Variants in STARD9 observed in about 807,000 individuals in gnomAD.
The protein encoded by STARD9 is StAR related lipid transfer domain containing 9, also known as stAR-related lipid transfer protein 9.
In STARD9, 346 loss-of-function variants were observed where a neutral mutation model predicts 399.8. The ratio of observed to expected loss-of-function variants is 0.87; its 90% confidence interval spans 0.79 to 0.95. STARD9 has a LOEUF of 0.95. Ranked by LOEUF, STARD9 falls within the 40% of genes least tolerant of loss-of-function variation. The pLI is 0.00. For missense variants in STARD9, 5,832 were observed against 5,667.5 expected (o/e 1.03, Z -0.93); for synonymous variants, 2,203 against 2,143.5 (o/e 1.03, Z -0.77).
intron 9 of STARD9, among the ~76,000 whole-genome samples, chr15:42,657,130 A>G (rs1029860460): frequency 1.1e-4 from 16 of 152,030 alleles, no homozygotes; most frequent in Non-Finnish European, 1.5e-4. Context: ...GCCGAGGTGG[A>G]TGGATCGCCT....
chr15:42,699,664 A>G (rs2060923955), intron 26 of STARD9, among the ~76,000 whole-genome samples: 1 of 151,320 alleles, frequency 6.6e-6, no homozygotes, highest in African/African-American at 2.4e-5. Context: ...AAATGCTGGG[A>G]TTACAGACGT....
At chr15:42,715,178 G>A (rs1188589824) in intron 26 of STARD9, among the ~76,000 whole-genome samples, 3 of 152,132 alleles carry the variant, frequency 2.0e-5, no homozygotes, top group African/African-American at 7.2e-5. Flanking sequence ...CTTGCTGAGA[G>A]ACTCAGGAAA....
chr15:42,670,252 T>G (rs1235829576), intron 16 of STARD9: 1 of 152,042 alleles, frequency 6.6e-6, no homozygotes, highest in Non-Finnish European at 1.5e-5. Context: ...AAAGGAAGCT[T>G]AAAACATAGG....
rs945296620 is a variant in STARD9, at chr15:42,662,778, A to G, written c.771-16A>G. ...TTATTTGCTTTTGTTTTTGTTTTTC[A>G]TTGACTGTGTTTTAGCGAAAGAGCA... On this transcript the variant is annotated splice_polypyrimidine_tract_variant and intron_variant, in intron 10 of 32. Transcript: ENST00000290607. 1 of 1,527,068 alleles carries G rather than the reference A, an allele frequency of 6.5e-7. No homozygotes were observed. The highest frequency in any genetic ancestry group is 8.8e-7 in the Non-Finnish European group (1 of 1,137,982). 94.6% of individuals were successfully genotyped at this position (1,527,068 alleles called of 1,614,324 possible).
chr15:42,701,213 G>A (rs1393448269), intron 26 of STARD9, among the ~76,000 whole-genome samples: 1 of 152,132 alleles, frequency 6.6e-6, no homozygotes, highest in Non-Finnish European at 1.5e-5. Context: ...GTTTTGCTCA[G>A]AATTTCTTTG....
At position 42,692,992 on chromosome 15, in the gene STARD9, C is replaced by G. The variant is rs1021645046; in HGVS notation, c.11414C>G (p.Thr3805Ser). The change falls in exon 23 of 33, where the codon ACT (threonine) becomes AGT (serine). Residue 3805 changes from threonine to serine, a missense_variant. Physicochemically the swap from Thr to Ser is moderately conservative, Grantham distance 58 (BLOSUM62 1). Coordinates refer to ENST00000290607, the MANE Select transcript of STARD9 (RefSeq NM_020759.3). ...CTCCTCTATCTTCAGGAAGAAAGCACTCCCTACAAGCCCCAGAGCCCTTCA... is the reference window on the plus strand; with the variant it reads ...CTCCTCTATCTTCAGGAAGAAAGCAGTCCCTACAAGCCCCAGAGCCCTTCA... The part of the protein sequence containing the change: ...AQLLYLQEES[T>S]PYKPQSPSIP... 6.5e-7 allele frequency: 1 copy of G among 1,537,094 alleles called. No homozygotes were observed. Among genetic ancestry groups the G allele is most frequent in the Admixed American group, 2.0e-5 (1 of 50,972 alleles).
At chr15:42,710,951 G>A (rs982686657) in intron 26 of STARD9, among the ~76,000 whole-genome samples, 3 of 149,740 alleles carry the variant, frequency 2.0e-5, no homozygotes, top group African/African-American at 2.5e-5. Context: ...GTTTGTCCCC[G>A]TGTTTTCACA....
rs961434037 is a variant in STARD9, at chr15:42,596,340, T to C, written c.234+10703T>C. Among the ~76,000 whole-genome samples, 3 of 152,228 alleles carry C rather than the reference T, an allele frequency of 2.0e-5. No individual in the cohort carries two copies. In the South Asian group the frequency reaches 6.2e-4, roughly 31 times the overall value. Reference sequence around the variant, plus strand: ...CTGAAAATTCCTTATACTCACCCTTTGCACCTTAAACTTGGGTTTGTCCTG... The same window carrying C: ...CTGAAAATTCCTTATACTCACCCTTCGCACCTTAAACTTGGGTTTGTCCTG... On this transcript the variant is annotated intron_variant, in intron 3 of 32. Transcript: ENST00000290607.
At chr15:42,607,619 G>A (rs151012902) in intron 3 of STARD9, among the ~76,000 whole-genome samples, 1,964 of 149,444 alleles carry the variant, frequency 0.013, 29 homozygotes, top group Non-Finnish European at 0.02. Context: ...GAATCTAGGA[G>A]AATCTTAATA....
At chr15:42,626,852 G>T (rs2059236858) in intron 3 of STARD9, among the ~76,000 whole-genome samples, 1 of 145,300 alleles carries the variant, frequency 6.9e-6, no homozygotes, top group Non-Finnish European at 1.5e-5. Flanking sequence ...TTTGATATCA[G>T]TTTTTTTTTT....
At chr15:42,630,772 T>G (rs1385135331) in intron 3 of STARD9, among the ~76,000 whole-genome samples, 1 of 152,140 alleles carries the variant, frequency 6.6e-6, no homozygotes, top group African/African-American at 2.4e-5. Context: ...GTTGTAATGC[T>G]TCCTTTTTCA....
chr15:42,669,017 C>T, intron 15 of STARD9, 141 bp from the exon 16 acceptor site: 1 of 617,054 alleles, frequency 1.6e-6, no homozygotes, highest in Non-Finnish European at 2.5e-6. Context: ...GGTACAAGGG[C>T]TTCTGTGGGG....
rs139256151 is a variant in STARD9 at position 42,659,778 on chromosome 15, C to A, written c.703-1380C>A. On this transcript the variant is annotated intron_variant, in intron 9 of 32. Transcript: ENST00000290607. ...TGACCTCATGATCCACCTGCCTCCA[C>A]CTCCCAAAGTGCTGGGATTACAGGG... 3.3e-4 allele frequency among the ~76,000 whole-genome samples: 50 copies of A among 152,312 alleles called. No homozygotes were observed. In the East Asian group the frequency reaches 9.1e-3, roughly 28 times the overall value.
intron 3 of STARD9, among the ~76,000 whole-genome samples, chr15:42,594,326 C>G (rs568749503): frequency 6.6e-6 from 1 of 152,108 alleles, no homozygotes; most frequent in Admixed American, 6.5e-5. Context: ...GTTGATCCTG[C>G]GATGGGAAGG....
Position 42,688,491 on chromosome 15 carries a change from G to A in STARD9, c.6913G>A (p.Asp2305Asn), listed in dbSNP as rs973779459. The A allele has an allele frequency of 5.0e-5, 77 of 1,537,734 alleles. No homozygotes were observed. Among genetic ancestry groups the A allele is most frequent in the Non-Finnish European group, 6.5e-5 (74 of 1,147,060 alleles). Residue 2305 changes from aspartate (D) to asparagine (N), a missense_variant, in exon 23 of 33, where the codon GAC (aspartate) becomes AAC (asparagine). By Grantham distance (23) the Asp-to-Asn change is conservative. Around this residue, in one of 2 missense-constraint regions of STARD9, gnomAD observed 5,828 missense variants for 5,651.1 expected, o/e 1.03. Transcript: ENST00000290607. ...TCCTAGTCTCAGCCAGCTTTGTAGG[G>A]ACACGTTTTTCAGGCAGGAAACTGT... is the stretch of plus-strand genomic sequence containing the variant. ...KFPSLSQLCR[D>N]TFFRQETVSP... is the part of the protein sequence containing the mutation.
At chr15:42,605,592 T>C (rs1476567922) in intron 3 of STARD9, among the ~76,000 whole-genome samples, 1 of 152,226 alleles carries the variant, frequency 6.6e-6, no homozygotes, top group African/African-American at 2.4e-5. Context: ...CTCACTTTTC[T>C]TGCTTCTCTT....
intron 4 of STARD9, among the ~76,000 whole-genome samples, chr15:42,637,544 C>G (rs1595684142): frequency 1.3e-5 from 2 of 152,242 alleles, no homozygotes; most frequent in East Asian, 3.9e-4. Flanking sequence ...CTCATATACT[C>G]TTGTCCGCCT....
Position 42,690,581 on chromosome 15 carries a change from T to A in STARD9, c.9003T>A (p.Pro3001=), listed in dbSNP as rs1184258698. Residue 3001 remains proline, a synonymous_variant, in exon 23 of 33, where the codon CCT becomes CCA. Transcript: ENST00000290607. ...CTATCCACCCACCCTGTGTAGTACC[T>A]TCCAGGGCCTATGAAATGGATGAGA... ...PHTIHPPCVV[P]SRAYEMDETG... The A allele has an allele frequency of 6.5e-7, 1 of 1,537,244 alleles. No individual in the cohort carries two copies. The highest frequency in any genetic ancestry group is 2.4e-5 in the East Asian group (1 of 40,914).
chr15:42,718,931 G>T (rs1433323768), intron 32 of STARD9, 21 bp downstream of exon 32: 2 of 1,535,928 alleles, frequency 1.3e-6, no homozygotes, highest in African/African-American at 2.7e-5. Context: ...CTTTGCAGCT[G>T]GCCTCACAGC....
Sources: gnomAD v4.1 joint callset for allele counts (sites outside exome capture counted in the v4.1 genomes callset) on GRCh38, gnomAD v4.1.1 for gene constraint, gnomAD v4.1.1 regional missense constraint, MANE v1.5 for transcripts, NCBI Gene and HGNC (gene_info 2026-07-23, HGNC 2026-07-21) for gene names.